Variants in CFAP20DC observed in about 807,000 individuals in gnomAD.
The protein encoded by CFAP20DC is CFAP20 domain containing, also known as protein CFAP20DC.
Under a neutral mutation model 101.7 loss-of-function variants are expected in CFAP20DC, and 84 were observed. That is an observed-to-expected ratio of 0.83 (90% CI 0.69 to 0.99). CFAP20DC has a LOEUF of 0.99. CFAP20DC is among the 50% of genes least tolerant of loss of function. CFAP20DC has a pLI of 0.00. For missense variants in CFAP20DC, 1,007 were observed against 970.3 expected, an observed-to-expected ratio of 1.04 and a Z score of -0.50; for synonymous variants, 359 against 351.2, an observed-to-expected ratio of 1.02 and a Z score of -0.25.
At position 58,894,904 on chromosome 3, in the gene CFAP20DC, C is replaced by T. The variant is rs1576190929; in HGVS notation, c.551-10195G>A. On this transcript the variant is annotated intron_variant, in intron 6 of 16. Transcript: ENST00000482387. This position sits in a 1 kb window ranked among gnomAD's most constrained non-coding sequence, Gnocchi z 4.1. The stretch of plus-strand genomic sequence containing the variant: ...CTTCTGTGCACTTGCAGGCTCAACA[C>T]TATGTGGAAGCTGCCATGGCTTTGG... Among the ~76,000 whole-genome samples the T allele has an allele frequency of 6.6e-6, 1 of 152,206 alleles. No homozygotes were observed. The highest frequency in any genetic ancestry group is 1.9e-4 in the East Asian group (1 of 5,192).
intron 15 of CFAP20DC, among the ~76,000 whole-genome samples, chr3:58,771,798 A>C (rs2070873401): frequency 6.6e-6 from 1 of 152,086 alleles, no homozygotes; most frequent in African/African-American, 2.4e-5. Flanking sequence ...ACATCCCCAC[A>C]ATTTGCTGCC....
chr3:58,995,675 T>C (rs933998747), intron 4 of CFAP20DC, among the ~76,000 whole-genome samples: 3 of 152,154 alleles, frequency 2.0e-5, no homozygotes, highest in Non-Finnish European at 4.4e-5. Flanking sequence ...GTAGACTGAG[T>C]GAAGTAAATT....
intron 11 of CFAP20DC, among the ~76,000 whole-genome samples, chr3:58,866,302 G>T (rs1203330315): frequency 1.3e-5 from 2 of 152,216 alleles, no homozygotes; most frequent in Non-Finnish European, 2.9e-5. Context: ...CTTTGGGGAG[G>T]GTGACCATGC....
intron 5 of CFAP20DC, among the ~76,000 whole-genome samples, chr3:58,928,624 G>T (rs1332981389): frequency 6.6e-6 from 1 of 152,140 alleles, no homozygotes; most frequent in Non-Finnish European, 1.5e-5. Flanking sequence ...AAAATATAGA[G>T]TAATTAGAAC....
chr3:58,734,426 A>G (rs1046355836), intron 3 of CFAP20DC: 1 of 401,830 alleles, frequency 2.5e-6, no homozygotes, highest in African/African-American at 2.1e-5. Flanking sequence ...TGACAGGCCT[A>G]GGCTTAAATA....
intron 4 of CFAP20DC, among the ~76,000 whole-genome samples, chr3:58,980,490 C>T (rs568663155): frequency 3.9e-5 from 6 of 152,256 alleles, no homozygotes; most frequent in African/African-American, 1.4e-4. Context: ...AGCAGCACAT[C>T]AAAAAGCTTA....
In CFAP20DC at chr3:58,913,462, C is replaced by A; in HGVS notation, c.550+246G>T. On this transcript the variant is annotated intron_variant, in intron 6 of 16. Transcript: ENST00000482387. The surrounding 1 kb of genome is among the most constrained non-coding windows in gnomAD (Gnocchi z 4.4). ...TAACTAAGGAGCCTAAGACAGATAG[C>A]AAGTGTTACCATAAAGAAAAAAGAA... 1.7e-6 allele frequency: 1 copy of A among 601,010 alleles called. No homozygotes were observed. Among genetic ancestry groups the A allele is most frequent in the Non-Finnish European group, 2.9e-6 (1 of 340,654 alleles). 37.2% of individuals were successfully genotyped at this position (601,010 alleles called of 1,614,324 possible).
chr3:58,831,891 T>G lies in CFAP20DC; in HGVS notation c.1972-2A>C. On this transcript the variant is annotated splice_acceptor_variant, in intron 13 of 16. Coordinates refer to ENST00000482387, the MANE Select transcript of CFAP20DC (RefSeq NM_001394063.1). LOFTEE classifies it high-confidence loss of function. ...CTGATAGTTTCGCCAGTCATATTCCTGACCAAGAGAGAGGAAAATAACAAA... is the reference window on the plus strand; with the variant it reads ...CTGATAGTTTCGCCAGTCATATTCCGGACCAAGAGAGAGGAAAATAACAAA... 6.2e-7 allele frequency: 1 copy of G among 1,613,594 alleles called. No individual in the cohort carries two copies. The highest frequency in any genetic ancestry group is 1.3e-5 in the African/African-American group (1 of 75,036).
intron 2 of CFAP20DC, among the ~76,000 whole-genome samples, chr3:59,046,741 T>G (rs1353980275): frequency 6.6e-6 from 1 of 152,064 alleles, no homozygotes; most frequent in African/African-American, 2.4e-5. Flanking sequence ...GAATAAAGAT[T>G]GGGATCAGAA....
At chr3:58,981,331 T>C (rs1001008524) in intron 4 of CFAP20DC, among the ~76,000 whole-genome samples, 1 of 152,046 alleles carries the variant, frequency 6.6e-6, no homozygotes, top group Non-Finnish European at 1.5e-5. Flanking sequence ...ACCAATGACT[T>C]TCTTCACAGA....
intron 14 of CFAP20DC, among the ~76,000 whole-genome samples, chr3:58,830,931 G>A (rs191950154): frequency 1.2e-4 from 18 of 152,190 alleles, no homozygotes; most frequent in African/African-American, 2.4e-4. Flanking sequence ...TGTTGTTTAC[G>A]CTCTGTCTTT....
chr3:58,870,077 C>G (rs2080019356), intron 8 of CFAP20DC, 96 bp downstream of exon 8: 1 of 1,045,812 alleles, frequency 9.6e-7, no homozygotes, highest in Non-Finnish European at 1.4e-6. Flanking sequence ...GTCTGTCTGT[C>G]TGTCTTTCCC....
intron 6 of CFAP20DC, among the ~76,000 whole-genome samples, chr3:58,885,199 T>A (rs2081524286): frequency 6.6e-6 from 1 of 152,158 alleles, no homozygotes; most frequent in Non-Finnish European, 1.5e-5. Flanking sequence ...AAAAAAAAGT[T>A]CAGAGTTTCT....
intron 4 of CFAP20DC, among the ~76,000 whole-genome samples, chr3:59,021,107 C>T (rs1335570064): frequency 6.6e-6 from 1 of 151,990 alleles, no homozygotes; most frequent in African/African-American, 2.4e-5. Flanking sequence ...GTTCCTTGGC[C>T]TAATGTATTA....
chr3:58,869,264 C>A lies in CFAP20DC; in HGVS notation c.1015+64G>T. On this transcript the variant is annotated intron_variant, in intron 9 of 16. Coordinates refer to ENST00000482387, the MANE Select transcript of CFAP20DC (RefSeq NM_001394063.1). The surrounding 1 kb of genome is among the most constrained non-coding windows in gnomAD (Gnocchi z 4.3). ...GACTTGAATATAACTGCTGATTTAT[C>A]TTAACAAGAACATTTCTCACTATTT... The A allele has an allele frequency of 1.5e-6, 2 of 1,327,132 alleles. No homozygotes were observed. Among genetic ancestry groups the A allele is most frequent in the South Asian group, 3.0e-5 (2 of 65,986 alleles). The allele number at this position is 1,327,132 out of a possible 1,614,324, so 82.2% of individuals were successfully genotyped here. A position where few individuals can be genotyped will look rare whatever the true frequency, so the allele number is the denominator to read the frequency against.
chr3:58,741,500 T>TA (rs1559530981), downstream of CFAP20DC, among the ~76,000 whole-genome samples: 1 of 140,034 alleles, frequency 7.1e-6, no homozygotes, highest in Non-Finnish European at 1.5e-5. Flanking sequence ...TGTCAAAATA[T>TA]TTTTTTTTTT....
At position 59,047,199 on chromosome 3, in the gene CFAP20DC, C is replaced by T. The variant is rs778843353; in HGVS notation, c.77G>A (p.Trp26Ter). 5.3e-5 allele frequency: 82 copies of T among 1,535,278 alleles called. No homozygotes were observed. The highest frequency in any genetic ancestry group is 4.9e-5 in the Non-Finnish European group (56 of 1,146,368). ...SAQGKNPGAKWKILGSPSVIW... is the reference protein window; with the variant it reads ...SAQGKNPGAK ...CACAGATGGACTACCAAGGATCTTC[C>T]ATTTTGCTCCAGGATTTTTTCCTTG... Residue 26 changes from tryptophan to a stop codon, truncating the protein, a stop_gained, in exon 2 of 17, where the codon TGG (tryptophan) becomes TAG (stop). Coordinates refer to ENST00000482387, the MANE Select transcript of CFAP20DC (RefSeq NM_001394063.1). LOFTEE classifies it high-confidence loss of function.
intron 4 of CFAP20DC, among the ~76,000 whole-genome samples, chr3:58,957,719 G>A (rs536829709): frequency 6.6e-6 from 1 of 152,158 alleles, no homozygotes; most frequent in South Asian, 2.1e-4. Context: ...TGGAATTGGA[G>A]GTCATTTATT....
intron 4 of CFAP20DC, among the ~76,000 whole-genome samples, chr3:58,993,262 T>A (rs932428683): frequency 4.6e-5 from 7 of 152,202 alleles, no homozygotes; most frequent in Non-Finnish European, 7.3e-5. Flanking sequence ...ATTACAAACT[T>A]CTTTGTAAAA....
Sources: gnomAD v4.1 joint callset for allele counts (sites outside exome capture counted in the v4.1 genomes callset) on GRCh38, gnomAD v4.1.1 for gene constraint, Gnocchi (gnomAD v3.1) non-coding constraint, MANE v1.5 for transcripts, NCBI Gene and HGNC (gene_info 2026-07-23, HGNC 2026-07-21) for gene names.